GPHN: variants seen among roughly 807,000 people sequenced by gnomAD.
GPHN encodes gephyrin.
A neutral mutation model predicts 95.5 loss-of-function variants in GPHN; 17 were observed. That is an observed-to-expected ratio of 0.18 (90% CI 0.12 to 0.27). The LOEUF (loss-of-function observed/expected upper bound fraction) is 0.27. Ranked by LOEUF, GPHN falls within the 10% of genes least tolerant of loss-of-function variation. GPHN has a pLI of 1.00. For synonymous variants in GPHN, 320 were observed against 322.5 expected (o/e 0.99, Z 0.08); for missense variants, 660 against 978.1 (o/e 0.67, Z 4.34).
chr14:67,699,396 A>T, the GPHN span, among the ~76,000 whole-genome samples: 4 of 152,068 alleles, frequency 2.6e-5, no homozygotes, highest in South Asian at 2.1e-4. Context: ...CTCAACCAAA[A>T]ATTTAAAAAA....
chr14:66,878,521 A>C (rs947908189), intron 4 of GPHN, among the ~76,000 whole-genome samples: 5 of 152,184 alleles, frequency 3.3e-5, no homozygotes, highest in Non-Finnish European at 5.9e-5. Context: ...AATTTACAAG[A>C]AAAAAACAAC....
At chr14:67,695,634 T>G in the GPHN span, 4 of 1,614,010 alleles carry the variant, frequency 2.5e-6, no homozygotes, top group East Asian at 8.9e-5. Flanking sequence ...ACAGACCTGA[T>G]TTGGGGCGCA....
chr14:67,733,747 G>C, the GPHN span: 1 of 1,609,640 alleles, frequency 6.2e-7, no homozygotes, highest in Non-Finnish European at 8.5e-7. Context: ...GCCCTCCAGT[G>C]ACTGCAAGAG....
intron 1 of GPHN, among the ~76,000 whole-genome samples, chr14:66,647,429 A>G (rs371351081): frequency 7.9e-5 from 12 of 151,738 alleles, no homozygotes; most frequent in Admixed American, 1.3e-4. Context: ...AAGACTAAAT[A>G]TCGTGAGATA....
chr14:66,653,408 A>T (rs983135546), intron 1 of GPHN, among the ~76,000 whole-genome samples: 2 of 152,192 alleles, frequency 1.3e-5, no homozygotes, highest in African/African-American at 4.8e-5. Context: ...ACATGTGGTT[A>T]AAATATTTTC....
chr14:67,329,274 T>C, the GPHN span, among the ~76,000 whole-genome samples: 1 of 151,702 alleles, frequency 6.6e-6, no homozygotes, highest in Non-Finnish European at 1.5e-5. Flanking sequence ...TTTGGCTCTC[T>C]CTTTGTCTGT....
At chr14:66,681,569 ATAAAG>A (rs1358911283) in intron 2 of GPHN, among the ~76,000 whole-genome samples, 1 of 152,126 alleles carries the variant, frequency 6.6e-6, no homozygotes, top group Non-Finnish European at 1.5e-5. Flanking sequence ...AATTAGAAAT[ATAAAG>A]TAGTTATTTG....
At chr14:67,438,646 A>T in the GPHN span, among the ~76,000 whole-genome samples, 1 of 152,092 alleles carries the variant, frequency 6.6e-6, no homozygotes. Context: ...GGATCACTTG[A>T]AGTCAGGAGT....
the GPHN span, chr14:67,733,769 C>T: frequency 5.6e-6 from 9 of 1,613,184 alleles, no homozygotes; most frequent in Non-Finnish European, 7.6e-6. Context: ...ACCTGGGTGT[C>T]TCCAAGGGCC....
the GPHN span, chr14:67,642,288 A>G: frequency 6.2e-7 from 1 of 1,614,112 alleles, no homozygotes; most frequent in Non-Finnish European, 8.5e-7. Flanking sequence ...GGTCTTGCCA[A>G]CCAGGAACTG....
At chr14:67,057,413 G>A (rs560485576) in intron 10 of GPHN, among the ~76,000 whole-genome samples, 1 of 151,480 alleles carries the variant, frequency 6.6e-6, no homozygotes, top group Non-Finnish European at 1.5e-5. Context: ...CACATGGGTG[G>A]GGGGGGCAAC....
At chr14:67,490,036 G>A in the GPHN span, among the ~76,000 whole-genome samples, 22 of 152,044 alleles carry the variant, frequency 1.4e-4, no homozygotes, top group Admixed American at 1.0e-3. Context: ...CCCCCACCAC[G>A]CTATGAATTT....
the GPHN span, chr14:67,292,860 C>T: frequency 1.7e-6 from 1 of 598,386 alleles, no homozygotes; most frequent in Admixed American, 3.8e-5. Context: ...TGTATTGTGA[C>T]AGTTTACTAC....
chr14:66,812,251 G>T (rs1013618066), intron 3 of GPHN, among the ~76,000 whole-genome samples: 33 of 152,160 alleles, frequency 2.2e-4, no homozygotes, highest in African/African-American at 7.5e-4. Context: ...ACTGAAATTT[G>T]AATTGCCATC....
intron 4 of GPHN, among the ~76,000 whole-genome samples, chr14:66,851,532 CATAACT>C (rs1338168435): frequency 6.6e-6 from 1 of 152,112 alleles, no homozygotes; most frequent in Non-Finnish European, 1.5e-5. Context: ...TGTTCATTCT[CATAACT>C]ATATTGTATA....
chr14:67,201,747 G>T, the GPHN span: 1 of 334,028 alleles, frequency 3.0e-6, no homozygotes, highest in Non-Finnish European at 5.9e-6. Flanking sequence ...GCACAGTTTG[G>T]GTAAGTTATC....
chr14:66,883,798 A>T (rs899293732), intron 5 of GPHN, among the ~76,000 whole-genome samples: 1 of 152,214 alleles, frequency 6.6e-6, no homozygotes, highest in South Asian at 2.1e-4. Flanking sequence ...AGACTTGGGC[A>T]GTAGTATATA....
Position 66,780,941 on chromosome 14 carries a change from A to T in GPHN, c.201+4420A>T, listed in dbSNP as rs142776275. ...TGATATGCTACCTATAGTATATACC[A>T]TGTATAAATAAATATGCATATGTAT... On this transcript the variant is annotated intron_variant, in intron 3 of 22. Coordinates refer to ENST00000478722, the MANE Select transcript of GPHN (RefSeq NM_020806.5). 3.3e-3 allele frequency among the ~76,000 whole-genome samples: 508 copies of T among 152,354 alleles called. 2 individuals carry two copies. The highest frequency in any genetic ancestry group is 0.012 in the African/African-American group (494 of 41,582).
the GPHN span, among the ~76,000 whole-genome samples, chr14:67,683,935 TGTC>T: frequency 6.6e-6 from 1 of 152,256 alleles, no homozygotes; most frequent in Non-Finnish European, 1.5e-5. Flanking sequence ...TCTTAGTTAA[TGTC>T]ATCATCAACC....
Sources: allele counts gnomAD v4.1 joint callset (sites outside exome capture counted in the v4.1 genomes callset), GRCh38; gene constraint gnomAD v4.1.1; transcripts MANE v1.5; gene names NCBI Gene and HGNC (gene_info 2026-07-23, HGNC 2026-07-21).